Variants in TNFSF14 observed in about 807,000 individuals in gnomAD.
TNFSF14 encodes the protein tumor necrosis factor ligand superfamily member 14.
TNFSF14 carries 15 observed loss-of-function variants against 22.7 expected under a neutral mutation model. That is an observed-to-expected ratio of 0.66 (90% CI 0.44 to 1.02). TNFSF14 has a LOEUF of 1.02. TNFSF14 is among the 50% of genes least tolerant of loss of function. The probability of loss-of-function intolerance (pLI) is 0.00; values close to 1 mark genes in which losing one functional copy is unlikely to be tolerated. For missense variants in TNFSF14, 287 were observed against 326.2 expected, an observed-to-expected ratio of 0.88 and a Z score of 0.93; for synonymous variants, 133 against 139.6, an observed-to-expected ratio of 0.95 and a Z score of 0.33.
rs572810751 is a variant in TNFSF14, at chr19:6,668,999, T to G, written c.219+852A>C. Among the ~76,000 whole-genome samples the G allele has an allele frequency of 7.2e-5, 11 of 152,242 alleles. 1 individual carries two copies. Among genetic ancestry groups the G allele is most frequent in the Admixed American group, 5.2e-4 (8 of 15,288 alleles). ...ACATGGGTATATGGACACGAATGTG[T>G]GGCCACCGGATCCAGACCCAGGACA... On this transcript the variant is annotated intron_variant, in intron 1 of 3. Coordinates refer to ENST00000675206, the MANE Select transcript of TNFSF14 (RefSeq NM_001376887.1).
At position 6,664,792 on chromosome 19, in the gene TNFSF14, G is replaced by A; in HGVS notation, c.*134C>T. On this transcript the variant is annotated 3_prime_UTR_variant, in exon 4 of 4. Coordinates refer to ENST00000675206, the MANE Select transcript of TNFSF14 (RefSeq NM_001376887.1). The surrounding 1 kb of genome is among the most constrained non-coding windows in gnomAD (Gnocchi z 4.7). ...TGACCTCAGGTGATCCGCCTGCCTT[G>A]GCCTCCCAAAGTGCTGGGATTACAG... The A allele has an allele frequency of 3.5e-6, 4 of 1,154,160 alleles. No individual in the cohort carries two copies. The highest frequency in any genetic ancestry group is 4.9e-6 in the Non-Finnish European group (4 of 824,158). 71.5% of individuals were successfully genotyped at this position (1,154,160 alleles called of 1,614,324 possible). A position where few individuals can be genotyped will look rare whatever the true frequency, so the allele number is the denominator to read the frequency against.
intron 3 of TNFSF14, 133 bp downstream of exon 3, chr19:6,666,980 A>G (rs1408767746): frequency 3.1e-6 from 2 of 642,046 alleles, no homozygotes; most frequent in African/African-American, 1.9e-5. Context: ...TAGCACTTGC[A>G]GCCTATGTTC....
Position 6,665,219 on chromosome 19 carries a change from A to G in TNFSF14, c.430T>C (p.Tyr144His). 6.2e-7 allele frequency: 1 copy of G among 1,614,050 alleles called. No homozygotes were observed. The highest frequency in any genetic ancestry group is 1.3e-5 in the African/African-American group (1 of 75,028). ...ACACCGCCCAGCTGCACCTTGGAGT[A>G]GATGTAGTAGTAGCCAGCTTTGGTG... ...VVTKAGYYYIYSKVQLGGVGC... is the reference protein window; with the variant it reads ...VVTKAGYYYIHSKVQLGGVGC... The change falls in exon 4 of 4, where the codon TAC (tyrosine) becomes CAC (histidine). Residue 144 changes from tyrosine to histidine, a missense_variant. Tyr to His is a moderately conservative substitution (Grantham distance 83, BLOSUM62 2). Transcript: ENST00000675206.
At chr19:6,670,267 G>A, upstream of TNFSF14, 1 of 1,430,556 alleles carries the variant, frequency 7.0e-7, no homozygotes, top group Non-Finnish European at 9.1e-7. Context: ...TCTTGGCCCT[G>A]TCTCACTCTC....
intron 3 of TNFSF14, 42 bp from the exon 4 acceptor site, chr19:6,665,392 A>G (rs747005403): frequency 3.5e-5 from 52 of 1,481,830 alleles, no homozygotes; most frequent in Non-Finnish European, 4.5e-5. Flanking sequence ...CGGTCAGCAC[A>G]TGTCTTCCTC....
At position 6,664,578 on chromosome 19, in the gene TNFSF14, T is replaced by C. The variant is rs1917346240; in HGVS notation, c.*348A>G. 1 of 179,736 alleles carries C rather than the reference T, an allele frequency of 5.6e-6. No individual in the cohort carries two copies. Among genetic ancestry groups the C allele is most frequent in the African/African-American group, 2.4e-5 (1 of 42,318 alleles). The allele number at this position is 179,736 out of a possible 1,614,324, so 11.1% of individuals were successfully genotyped here. ...TTTTGAGGCACAGTCTCACTGCGTT[T>C]CCCAGGTTGGAGTGCAGTGGTGTGA... On this transcript the variant is annotated 3_prime_UTR_variant, in exon 4 of 4. Coordinates refer to ENST00000675206, the MANE Select transcript of TNFSF14 (RefSeq NM_001376887.1). The surrounding 1 kb of genome is among the most constrained non-coding windows in gnomAD (Gnocchi z 4.7).
chr19:6,670,116 T>G lies in TNFSF14; in HGVS notation c.-47A>C. On this transcript the variant is annotated 5_prime_UTR_variant, in exon 1 of 4. Coordinates refer to ENST00000675206, the MANE Select transcript of TNFSF14 (RefSeq NM_001376887.1). Reference sequence around the variant, plus strand: ...GCTGACACGCCTGGGTCCTTCAACCTCAGAGGAAACCGAAATTGCTCAACA... The same window carrying G: ...GCTGACACGCCTGGGTCCTTCAACCGCAGAGGAAACCGAAATTGCTCAACA... The G allele has an allele frequency of 2.5e-6, 4 of 1,600,040 alleles. No homozygotes were observed. Among genetic ancestry groups the G allele is most frequent in the South Asian group, 2.2e-5 (2 of 90,776 alleles).
chr19:6,664,809 G>C lies in TNFSF14; in HGVS notation c.*117C>G, dbSNP rs1432941899. ...CCTGCCTTGGCCTCCCAAAGTGCTG[G>C]GATTACAGGCGAGAGCCACCACGCC... On this transcript the variant is annotated 3_prime_UTR_variant, in exon 4 of 4. Transcript: ENST00000675206. This position sits in a 1 kb window ranked among gnomAD's most constrained non-coding sequence, Gnocchi z 4.7. The C allele has an allele frequency of 2.2e-6, 3 of 1,353,368 alleles. No individual in the cohort carries two copies. In the East Asian group the frequency reaches 7.0e-5, roughly 31 times the overall value. 83.8% of individuals were successfully genotyped at this position (1,353,368 alleles called of 1,614,324 possible). A position where few individuals can be genotyped will look rare whatever the true frequency, so the allele number is the denominator to read the frequency against.
chr19:6,666,717 A>C (rs1027173007), intron 3 of TNFSF14, among the ~76,000 whole-genome samples: 1 of 152,058 alleles, frequency 6.6e-6, no homozygotes, highest in Non-Finnish European at 1.5e-5. Flanking sequence ...CCAACATGGC[A>C]AAACCCTGTC....
chr19:6,665,499 C>T, intron 3 of TNFSF14, 149 bp from the exon 4 acceptor site: 2 of 892,312 alleles, frequency 2.2e-6, no homozygotes, highest in Non-Finnish European at 3.3e-6. Flanking sequence ...CCCTCCGCCT[C>T]CCAGGTTCAA....
At position 6,670,051 on chromosome 19, in the gene TNFSF14, G is replaced by T; in HGVS notation, c.19C>A (p.Arg7=). The T allele has an allele frequency of 6.2e-7, 1 of 1,614,118 alleles. No homozygotes were observed. Among genetic ancestry groups the T allele is most frequent in the Non-Finnish European group, 8.5e-7 (1 of 1,180,008 alleles). MEESVV[R]PSVFVVDGQT... ...CCATCCACCACAAACACTGAGGGCC[G>T]TACGACACTCTCCTCCATGCCCAAG... Residue 7 remains arginine (R), a synonymous_variant, in exon 1 of 4, where the codon CGG becomes AGG. Coordinates refer to ENST00000675206, the MANE Select transcript of TNFSF14 (RefSeq NM_001376887.1).
In TNFSF14 at chr19:6,663,653, A is replaced by G. The variant is rs1917315968; in HGVS notation, c.*1273T>C. 1 of 152,608 alleles carries G rather than the reference A, an allele frequency of 6.6e-6. No individual in the cohort carries two copies. Among genetic ancestry groups the G allele is most frequent in the Non-Finnish European group, 1.5e-5 (1 of 68,072 alleles). 9.5% of individuals were successfully genotyped at this position (152,608 alleles called of 1,614,324 possible). ...TTTGTGTGCTTGTGTTATAACATAC[A>G]CACAGTGCTGTGACTGTCTGTGATG... On this transcript the variant is annotated 3_prime_UTR_variant, in exon 4 of 4. Transcript: ENST00000675206.
rs1917276453 is a variant in TNFSF14, at chr19:6,662,680, C to T, written c.*2246G>A. 1.3e-5 allele frequency: 2 copies of T among 152,132 alleles called. No homozygotes were observed. The highest frequency in any genetic ancestry group is 6.6e-5 in the Admixed American group (1 of 15,260). 9.4% of individuals were successfully genotyped at this position (152,132 alleles called of 1,614,324 possible). A position where few individuals can be genotyped will look rare whatever the true frequency, so the allele number is the denominator to read the frequency against. On this transcript the variant is annotated 3_prime_UTR_variant, in exon 4 of 4. Coordinates refer to ENST00000675206, the MANE Select transcript of TNFSF14 (RefSeq NM_001376887.1). The stretch of plus-strand genomic sequence containing the variant: ...CTAGAATCCTAGGAACTAAGGATTC[C>T]CTCCAGCCACACTGCAGCAATGCTC...
intron 3 of TNFSF14, among the ~76,000 whole-genome samples, chr19:6,666,746 A>G (rs1917438841): frequency 6.6e-6 from 1 of 151,980 alleles, no homozygotes; most frequent in African/African-American, 2.4e-5. Context: ...AAATACAACA[A>G]AATTAACCGG....
chr19:6,669,071 C>T (rs1415015307), intron 1 of TNFSF14, among the ~76,000 whole-genome samples: 2 of 152,178 alleles, frequency 1.3e-5, no homozygotes, highest in African/African-American at 2.4e-5. Flanking sequence ...CACACATAGA[C>T]CCCCAGGTGA....
Position 6,670,061 on chromosome 19 carries a change from C to A in TNFSF14, c.9G>T (p.Glu3Asp), listed in dbSNP as rs914081040. 1 of 1,613,844 alleles carries A rather than the reference C, an allele frequency of 6.2e-7. No individual in the cohort carries two copies. Among genetic ancestry groups the A allele is most frequent in the Admixed American group, 1.7e-5 (1 of 59,992 alleles). Residue 3 changes from glutamate (E) to aspartate (D), a missense_variant, in exon 1 of 4, where the codon GAG (glutamate) becomes GAT (aspartate). Physicochemically the swap from Glu to Asp is conservative, Grantham distance 45. Coordinates refer to ENST00000675206, the MANE Select transcript of TNFSF14 (RefSeq NM_001376887.1). ...CAAACACTGAGGGCCGTACGACACT[C>A]TCCTCCATGCCCAAGGTGTCTGGAG... ME[E>D]SVVRPSVFVV...
rs1170656455 is a variant in TNFSF14, at chr19:6,661,631, A to G, written c.*3295T>C. ...AGTCCTTGAGGAAGGGGGGTGGGTG[A>G]GAGACTGCAAGCGAAGAAGCCAAAA... is the stretch of plus-strand genomic sequence containing the variant. On this transcript the variant is annotated 3_prime_UTR_variant, in exon 4 of 4. Transcript: ENST00000675206. 1 of 152,236 alleles carries G rather than the reference A, an allele frequency of 6.6e-6. No individual in the cohort carries two copies. Among genetic ancestry groups the G allele is most frequent in the Non-Finnish European group, 1.5e-5 (1 of 68,046 alleles). The allele number at this position is 152,236 out of a possible 1,614,324, so 9.4% of individuals were successfully genotyped here.
At position 6,665,310 on chromosome 19, in the gene TNFSF14, T is replaced by A. The variant is rs773481723; in HGVS notation, c.339A>T (p.Leu113Phe). ...SSLTGSGGPL[L>F]WETQLGLAFL... ...AGGCCAGGCCCAGCTGAGTCTCCCA[T>A]AACAGCGGCCCCCCGCTGCCGGTCA... Residue 113 changes from leucine (L) to phenylalanine (F), a missense_variant, in exon 4 of 4, where the codon TTA becomes TTT. Coordinates refer to ENST00000675206, the MANE Select transcript of TNFSF14 (RefSeq NM_001376887.1). 6.2e-7 allele frequency: 1 copy of A among 1,607,438 alleles called. No homozygotes were observed. The highest frequency in any genetic ancestry group is 1.3e-5 in the African/African-American group (1 of 74,854).
In TNFSF14 at chr19:6,665,070, G is replaced by C. The variant is rs1307953721; in HGVS notation, c.579C>G (p.Ser193Arg). ...QQSPCGRATS[S>R]SRVWWDSSFL... ...AGCTGCTGTCCCACCAGACCCGGGAGCTGCTGGTGGCCCGTCCGCAGGGTG... is the reference window on the plus strand; with the variant it reads ...AGCTGCTGTCCCACCAGACCCGGGACCTGCTGGTGGCCCGTCCGCAGGGTG... The change falls in exon 4 of 4, where the codon AGC becomes AGG. Residue 193 changes from serine (S) to arginine (R), a missense_variant. Transcript: ENST00000675206. The C allele has an allele frequency of 2.5e-6, 4 of 1,614,008 alleles. No homozygotes were observed. Among genetic ancestry groups the C allele is most frequent in the Non-Finnish European group, 3.4e-6 (4 of 1,179,968 alleles).
Sources: gnomAD v4.1 joint callset for allele counts (sites outside exome capture counted in the v4.1 genomes callset) on GRCh38, gnomAD v4.1.1 for gene constraint, Gnocchi (gnomAD v3.1) non-coding constraint, MANE v1.5 for transcripts, NCBI Gene and HGNC (gene_info 2026-07-23, HGNC 2026-07-21) for gene names.